Variants in NPAS3 observed in about 807,000 individuals in gnomAD.
NPAS3 encodes neuronal PAS domain-containing protein 3.
A neutral mutation model predicts 73.1 loss-of-function variants in NPAS3; 14 were observed. The observed-to-expected ratio is 0.19, with a 90% confidence interval of 0.13 to 0.30. The LOEUF (loss-of-function observed/expected upper bound fraction) is 0.30, where lower values mean the gene tolerates loss of function less well. Ranked by LOEUF, NPAS3 falls within the 10% of genes least tolerant of loss-of-function variation. The pLI is 1.00. For synonymous variants in NPAS3, 620 were observed against 541.5 expected, an observed-to-expected ratio of 1.14 and a Z score of -2.01; for missense variants, 1,096 against 1,250.0, an observed-to-expected ratio of 0.88 and a Z score of 1.86.
At chr14:33,132,059 A>G (rs1241370985) in intron 2 of NPAS3, among the ~76,000 whole-genome samples, 2 of 152,138 alleles carry the variant, frequency 1.3e-5, no homozygotes, top group Admixed American at 6.6e-5. Flanking sequence ...TAAGTGGTTC[A>G]TGTATTCATT....
chr14:33,680,574 C>CTAAGA (rs2059906897), intron 6 of NPAS3: 1 of 702,236 alleles, frequency 1.4e-6, no homozygotes, highest in Non-Finnish European at 2.6e-6. Context: ...TCATGTTTCT[C>CTAAGA]TAAGATAAAA....
At chr14:33,623,673 A>G (rs1262091892) in intron 5 of NPAS3, among the ~76,000 whole-genome samples, 2 of 152,180 alleles carry the variant, frequency 1.3e-5, no homozygotes, top group Non-Finnish European at 2.9e-5. Flanking sequence ...CAAAATTGCT[A>G]TAAGCCCTCT....
intron 2 of NPAS3, among the ~76,000 whole-genome samples, chr14:33,096,997 G>A (rs2042438695): frequency 6.6e-6 from 1 of 152,170 alleles, no homozygotes; most frequent in Non-Finnish European, 1.5e-5. Flanking sequence ...CCTATAGCCA[G>A]CACCTTAATC....
At chr14:33,169,071 A>T (rs1002708906) in intron 2 of NPAS3, among the ~76,000 whole-genome samples, 2 of 152,336 alleles carry the variant, frequency 1.3e-5, no homozygotes, top group African/African-American at 4.8e-5. Context: ...CCTCTGGTGG[A>T]GTGGCATAAG....
intron 9 of NPAS3, among the ~76,000 whole-genome samples, chr14:33,784,733 A>ATTATTTTTT (rs2063092842): frequency 3.8e-5 from 3 of 78,328 alleles, no homozygotes; most frequent in African/African-American, 2.1e-4. Flanking sequence ...TTATTTATTT[A>ATTATTTTTT]TTTATTTATT....
chr14:33,612,475 G>A (rs2057782511), intron 5 of NPAS3: 2 of 455,896 alleles, frequency 4.4e-6, no homozygotes, highest in Non-Finnish European at 4.4e-6. Context: ...AAGTTACAAA[G>A]CATTTATGTC....
intron 1 of NPAS3, among the ~76,000 whole-genome samples, chr14:32,986,914 T>C (rs1413275984): frequency 6.6e-6 from 1 of 152,186 alleles, no homozygotes; most frequent in Non-Finnish European, 1.5e-5. Context: ...CCCATTAGGC[T>C]GGAGAAGCTT....
rs76568116 is a variant in NPAS3, at chr14:33,106,161, T to C, written c.140+50167T>C. 1.3e-3 allele frequency among the ~76,000 whole-genome samples: 192 copies of C among 152,308 alleles called. 3 individuals carry two copies. The East Asian group carries it at 0.031, about 25-fold the overall frequency. ...TTTATACTAATAAACCACAAATTCATCCAATATAGACTTTTCCTTCCTTTT... is the reference window on the plus strand; with the variant it reads ...TTTATACTAATAAACCACAAATTCACCCAATATAGACTTTTCCTTCCTTTT... On this transcript the variant is annotated intron_variant, in intron 2 of 11. Transcript: ENST00000356141.
chr14:33,657,958 G>A (rs959047596), intron 5 of NPAS3, among the ~76,000 whole-genome samples: 3 of 152,138 alleles, frequency 2.0e-5, no homozygotes, highest in East Asian at 1.9e-4. Context: ...CACGCTCCTC[G>A]AAGCTCCTAC....
intron 2 of NPAS3, among the ~76,000 whole-genome samples, chr14:33,201,892 T>C (rs918574619): frequency 2.0e-5 from 3 of 152,216 alleles, no homozygotes; most frequent in African/African-American, 7.2e-5. Context: ...TCAATGTTAC[T>C]ATTAATGTTA....
At chr14:32,999,218 A>C (rs527278785) in intron 1 of NPAS3, among the ~76,000 whole-genome samples, 2 of 152,250 alleles carry the variant, frequency 1.3e-5, no homozygotes, top group East Asian at 3.9e-4. Context: ...ATTATTATAA[A>C]TGTTATATTC....
chr14:33,440,872 C>T (rs760858572), intron 4 of NPAS3, among the ~76,000 whole-genome samples: 1 of 148,896 alleles, frequency 6.7e-6, no homozygotes, highest in Non-Finnish European at 1.5e-5. Flanking sequence ...CCAACCTAGG[C>T]AACAAAGTTA....
At chr14:33,460,724 G>GTT (rs932193671) in intron 4 of NPAS3, among the ~76,000 whole-genome samples, 1 of 151,892 alleles carries the variant, frequency 6.6e-6, no homozygotes, top group African/African-American at 2.4e-5. Context: ...GGTTGTCGTC[G>GTT]TTTTGTTTTT....
intron 4 of NPAS3, among the ~76,000 whole-genome samples, chr14:33,434,177 A>G (rs2048890142): frequency 1.3e-5 from 2 of 152,012 alleles, no homozygotes; most frequent in South Asian, 2.1e-4. Flanking sequence ...GGGCAGCAAG[A>G]GCAAAACTCC....
intron 10 of NPAS3, among the ~76,000 whole-genome samples, chr14:33,794,355 G>T (rs909936767): frequency 6.6e-6 from 1 of 152,166 alleles, no homozygotes; most frequent in African/African-American, 2.4e-5. Context: ...ACAGACTTCA[G>T]CCTACAGCTG....
chr14:33,493,029 T>C (rs925310874), intron 4 of NPAS3, among the ~76,000 whole-genome samples: 1 of 152,172 alleles, frequency 6.6e-6, no homozygotes, highest in Non-Finnish European at 1.5e-5. Flanking sequence ...TAAGGTATGT[T>C]GACCTGATGA....
At chr14:32,983,521 A>C (rs2037981648) in intron 1 of NPAS3, among the ~76,000 whole-genome samples, 1 of 152,068 alleles carries the variant, frequency 6.6e-6, no homozygotes, top group Admixed American at 6.6e-5. Flanking sequence ...ATTAAGTGCA[A>C]AATTTCCCTT....
intron 2 of NPAS3, among the ~76,000 whole-genome samples, chr14:33,184,573 T>G (rs1382432191): frequency 6.6e-6 from 1 of 151,960 alleles, no homozygotes; most frequent in Non-Finnish European, 1.5e-5. Flanking sequence ...GCGGGGCCAG[T>G]GAAATGGGGT....
chr14:33,197,653 A>G (rs1258589207), intron 2 of NPAS3, among the ~76,000 whole-genome samples: 1 of 152,204 alleles, frequency 6.6e-6, no homozygotes, highest in African/African-American at 2.4e-5. Flanking sequence ...CAGGAAAACA[A>G]TGGTTCCAAA....
Sources: allele counts gnomAD v4.1 joint callset (sites outside exome capture counted in the v4.1 genomes callset), GRCh38; gene constraint gnomAD v4.1.1; transcripts MANE v1.5; gene names NCBI Gene and HGNC (gene_info 2026-07-23, HGNC 2026-07-21).